MAGEC3: variants seen among roughly 807,000 people sequenced by gnomAD.
MAGEC3 encodes MAGE family member C3.
Under a neutral mutation model 35.3 loss-of-function variants are expected in MAGEC3, and 34 were observed. That is an observed-to-expected ratio of 0.96 (90% confidence interval 0.73 to 1.28). The LOEUF is 1.28. MAGEC3 is among the 50% of genes most tolerant of loss of function. The pLI, the probability that MAGEC3 is intolerant of heterozygous loss-of-function variation, is 0.00. For synonymous variants in MAGEC3, 202 were observed against 185.6 expected, an observed-to-expected ratio of 1.09 and a Z score of -0.72; for missense variants, 561 against 483.6, an observed-to-expected ratio of 1.16 and a Z score of -1.50.
At chrX:141,878,800 C>T (rs1016945472) in intron 2 of MAGEC3, among the ~76,000 whole-genome samples, 3 of 111,822 alleles carry the variant, frequency 2.7e-5, no homozygotes, top group African/African-American at 6.5e-5. Flanking sequence ...TCTTGGGGGG[C>T]GTCTCATGGA....
intron 1 of MAGEC3, among the ~76,000 whole-genome samples, chrX:141,857,683 C>A (rs2017789647): frequency 9.0e-6 from 1 of 110,900 alleles, no homozygotes; most frequent in African/African-American, 3.3e-5. Flanking sequence ...TGACTCCACC[C>A]CACTTTACTC....
At chrX:141,840,603 T>A (rs1455123883) in intron 1 of MAGEC3, among the ~76,000 whole-genome samples, 1 of 111,773 alleles carries the variant, frequency 8.9e-6, no homozygotes, top group East Asian at 2.8e-4. Flanking sequence ...TATTTTCTTG[T>A]GTCTCTAAAT....
At chrX:141,876,993 G>C (rs1031577119) in intron 2 of MAGEC3, among the ~76,000 whole-genome samples, 1 of 112,074 alleles carries the variant, frequency 8.9e-6, no homozygotes, top group African/African-American at 3.2e-5. Flanking sequence ...TTTTTCAAGT[G>C]TATATTGACT....
rs146578267 is a variant in MAGEC3 at position 141,876,492 on chromosome X, C to T, written c.259-2683C>T. 2.4e-4 allele frequency among the ~76,000 whole-genome samples: 27 copies of T among 111,766 alleles called. 1 individual carries two copies. The East Asian group carries it at 7.7e-3, about 32-fold the overall frequency. Reference sequence around the variant, plus strand: ...TCCTGTGCTCCTCTTTGACTCTTATCTTACTTCTCCCTGGTACTGAAGTGA... The same window carrying T: ...TCCTGTGCTCCTCTTTGACTCTTATTTTACTTCTCCCTGGTACTGAAGTGA... On this transcript the variant is annotated intron_variant, in intron 2 of 7. Transcript: ENST00000298296.
intron 3 of MAGEC3, among the ~76,000 whole-genome samples, chrX:141,880,199 A>C (rs958452793): frequency 3.6e-5 from 4 of 111,760 alleles, no homozygotes; most frequent in Admixed American, 9.4e-5. Flanking sequence ...CTGAGGAGTC[A>C]CATGTGCATC....
At chrX:141,872,373 T>C (rs5954450) in intron 2 of MAGEC3, among the ~76,000 whole-genome samples, 83 of 111,274 alleles carry the variant, frequency 7.5e-4, no homozygotes, top group African/African-American at 2.6e-3. Context: ...TTGTGACCCA[T>C]GTGAGCTGGT....
intron 1 of MAGEC3, among the ~76,000 whole-genome samples, chrX:141,854,254 A>G (rs2017767618): frequency 9.0e-6 from 1 of 111,083 alleles, no homozygotes; most frequent in African/African-American, 3.3e-5. Flanking sequence ...TCCTATGAAG[A>G]GAAAGAAAAA....
chrX:141,883,461 C>G (rs972639311), intron 4 of MAGEC3, among the ~76,000 whole-genome samples: 12 of 112,000 alleles, frequency 1.1e-4, no homozygotes, highest in African/African-American at 3.9e-4. Context: ...AATTCCATAT[C>G]TATCCTGGGC....
intron 2 of MAGEC3, among the ~76,000 whole-genome samples, chrX:141,874,975 A>G (rs780024208): frequency 1.8e-5 from 2 of 111,967 alleles, no homozygotes; most frequent in South Asian, 3.7e-4. Context: ...GTAAGACTCT[A>G]TATTTGCTAT....
intron 1 of MAGEC3, among the ~76,000 whole-genome samples, chrX:141,850,704 T>C (rs1182199957): frequency 9.0e-6 from 1 of 111,230 alleles, no homozygotes; most frequent in Non-Finnish European, 1.9e-5. Flanking sequence ...CCCAGACAAA[T>C]TGACATATAA....
chrX:141,879,409 T>A lies in MAGEC3; in HGVS notation c.493T>A (p.Leu165Met), dbSNP rs11095910. 0.14 allele frequency: 168,012 copies of A among 1,175,630 alleles called. 14,868 individuals carry two copies. Among genetic ancestry groups the A allele is most frequent in the East Asian group, 0.51 (16,363 of 32,175 alleles). ...TCCTGCCGTCAGCCCTGGAAAAAGG[T>A]TGTGGGGGGAGAAAGCGGGGAGGTG... ...SLPAVSPGKR[L>M]WGEKAGSLPE... The change falls in exon 3 of 8, where the codon TTG becomes ATG. Residue 165 changes from leucine to methionine, a missense_variant. Transcript: ENST00000298296.
chrX:141,895,432 G>T (rs2124130364), intron 5 of MAGEC3, 25 bp downstream of exon 5: 1 of 1,210,917 alleles, frequency 8.3e-7, no homozygotes, highest in Non-Finnish European at 1.1e-6. Context: ...GGAGAACTGA[G>T]GGACTTCGCA....
chrX:141,888,102 T>C (rs1455585094), intron 4 of MAGEC3, among the ~76,000 whole-genome samples: 4 of 111,898 alleles, frequency 3.6e-5, no homozygotes, highest in Non-Finnish European at 5.6e-5. Context: ...GTAAGTTACA[T>C]GAGGAAGTGG....
intron 1 of MAGEC3, among the ~76,000 whole-genome samples, chrX:141,852,271 A>G (rs1461956540): frequency 9.0e-6 from 1 of 110,635 alleles, no homozygotes; most frequent in African/African-American, 3.3e-5. Flanking sequence ...GAGTTTTTGT[A>G]TATTGAGCTT....
chrX:141,885,600 G>T (rs1378209984), intron 4 of MAGEC3, among the ~76,000 whole-genome samples: 1 of 93,473 alleles, frequency 1.1e-5, no homozygotes, highest in Non-Finnish European at 2.1e-5. Context: ...GGAGGCAGAG[G>T]TTGCAGTGAG....
intron 1 of MAGEC3, among the ~76,000 whole-genome samples, chrX:141,846,980 G>A (rs1051377297): frequency 9.0e-6 from 1 of 110,770 alleles, no homozygotes; most frequent in African/African-American, 3.3e-5. Flanking sequence ...ATAGAATTAA[G>A]TACAATAAAA....
chrX:141,854,575 C>T (rs947828979), intron 1 of MAGEC3, among the ~76,000 whole-genome samples: 4 of 111,106 alleles, frequency 3.6e-5, no homozygotes, highest in African/African-American at 9.8e-5. Context: ...TCTGCTTTTT[C>T]GTCTTCCTCG....
chrX:141,865,110 T>C (rs1160178944), intron 1 of MAGEC3, among the ~76,000 whole-genome samples: 1 of 111,853 alleles, frequency 8.9e-6, no homozygotes, highest in Non-Finnish European at 1.9e-5. Context: ...CCTTTCTGTA[T>C]TCTGGATACA....
At chrX:141,865,692 G>A (rs1222870355) in intron 2 of MAGEC3, 87 bp downstream of exon 2, 1 of 1,023,897 alleles carries the variant, frequency 9.8e-7, no homozygotes, top group Non-Finnish European at 1.3e-6. Flanking sequence ...GTTAGCCCTG[G>A]GTGGCCCAAG....
Sources: allele counts gnomAD v4.1 joint callset (sites outside exome capture counted in the v4.1 genomes callset), GRCh38; gene constraint gnomAD v4.1.1; transcripts MANE v1.5; gene names NCBI Gene and HGNC (gene_info 2026-07-23, HGNC 2026-07-21).